The following BROX variants were observed in gnomAD, a reference collection of about 807,000 sequenced individuals.
BROX encodes the protein BRO1 domain and CAAX motif containing, also known as BRO1 domain-containing protein BROX.
In BROX, 53 loss-of-function variants were observed where a neutral mutation model predicts 61.0. That is an observed-to-expected ratio of 0.87 (90% CI 0.70 to 1.09). BROX has a LOEUF of 1.09. Ranked by LOEUF, BROX falls within the 50% of genes least tolerant of loss-of-function variation. BROX has a pLI of 0.00. For synonymous variants in BROX, 152 were observed against 160.2 expected (o/e 0.95, Z 0.38); for missense variants, 489 against 472.0 (o/e 1.04, Z -0.33).
At chr1:222,718,891 G>C (rs1355604575) in intron 2 of BROX, 34 bp from the exon 3 acceptor site, 1 of 1,564,316 alleles carries the variant, frequency 6.4e-7, no homozygotes, top group Non-Finnish European at 8.8e-7. Context: ...TTGCAGTACA[G>C]CTAACTTTAC....
At chr1:222,725,313 GT>G (rs1366699985) in intron 6 of BROX, 136 bp from the exon 7 acceptor site, 4 of 560,690 alleles carry the variant, frequency 7.1e-6, no homozygotes, top group Admixed American at 3.6e-5. Flanking sequence ...AGTTTTTATA[GT>G]TTTTGTTTAT....
chr1:222,713,182 A>G, intron 1 of BROX: 1 of 982,594 alleles, frequency 1.0e-6, no homozygotes, highest in Non-Finnish European at 1.2e-6. Flanking sequence ...TCCATTGGTC[A>G]TTGGAGAGCT....
chr1:222,716,793 G>C (rs1656655843), intron 2 of BROX, among the ~76,000 whole-genome samples: 1 of 152,234 alleles, frequency 6.6e-6, no homozygotes, highest in Non-Finnish European at 1.5e-5. Flanking sequence ...TGTCAGAGGG[G>C]AAAGGAGAAT....
At chr1:222,715,545 TA>T (rs932516549) in intron 1 of BROX, 138 bp from the exon 2 acceptor site, 7 of 382,722 alleles carry the variant, frequency 1.8e-5, no homozygotes, top group African/African-American at 1.1e-4. Flanking sequence ...CCGTCTCTAC[TA>T]AAAAAATAAC....
At position 222,719,438 on chromosome 1, in the gene BROX, A is replaced by G; in HGVS notation, c.305+79A>G. The G allele has an allele frequency of 6.0e-6, 6 of 1,000,796 alleles. No individual in the cohort carries two copies. The South Asian group carries it at 7.3e-5, about 12-fold the overall frequency. 62.0% of individuals were successfully genotyped at this position (1,000,796 alleles called of 1,614,324 possible). ...CCAGTGGTTAACTCATAGCCTTTGT[A>G]TTTGGAGAAGAAAAATACAGGTCTG... On this transcript the variant is annotated intron_variant, in intron 4 of 12. Coordinates refer to ENST00000340934, the MANE Select transcript of BROX (RefSeq NM_144695.4).
rs151293249 is a variant in BROX at position 222,723,422 on chromosome 1, T to C, written c.402-670T>C. 9.9e-3 allele frequency among the ~76,000 whole-genome samples: 1,512 copies of C among 152,306 alleles called. 28 individuals are homozygous for C. Among genetic ancestry groups the C allele is most frequent in the African/African-American group, 0.034 (1,423 of 41,570 alleles). ...TCCCAAAGTACTGGGATTACAGGCA[T>C]GATCCACCATGCCTGGCTGCAGATT... On this transcript the variant is annotated intron_variant, in intron 5 of 12. Coordinates refer to ENST00000340934, the MANE Select transcript of BROX (RefSeq NM_144695.4).
At chr1:222,719,478 T>G in intron 4 of BROX, 119 bp downstream of exon 4, 3 of 674,608 alleles carry the variant, frequency 4.4e-6, no homozygotes, top group Non-Finnish European at 7.8e-6. Flanking sequence ...GCGTTTTCTC[T>G]TACCAGGAAA....
At chr1:222,731,675 C>G (rs1558238769) in intron 12 of BROX, among the ~76,000 whole-genome samples, 159 bp downstream of exon 12, 1 of 152,160 alleles carries the variant, frequency 6.6e-6, no homozygotes, top group Non-Finnish European at 1.5e-5. Flanking sequence ...GTAGAACATT[C>G]TCAGAGATAA....
At chr1:222,722,847 A>T (rs925138726) in intron 5 of BROX, among the ~76,000 whole-genome samples, 4 of 152,324 alleles carry the variant, frequency 2.6e-5, no homozygotes, top group Middle Eastern at 3.4e-3. Context: ...TTCATATGAT[A>T]AATTGTTTGT....
chr1:222,717,707 A>G (rs980013288), intron 2 of BROX, among the ~76,000 whole-genome samples: 10 of 152,234 alleles, frequency 6.6e-5, no homozygotes, highest in African/African-American at 9.6e-5. Flanking sequence ...GTACTAATCA[A>G]TAAGACTCAA....
At chr1:222,728,932 T>A (rs1300633843) in intron 9 of BROX, 104 bp downstream of exon 9, 6 of 728,088 alleles carry the variant, frequency 8.2e-6, no homozygotes, top group Admixed American at 5.0e-5. Flanking sequence ...ATTTTACAAA[T>A]AATGGACAGC....
rs118060369 is a variant in BROX, at chr1:222,724,773, C to G, written c.474+609C>G. On this transcript the variant is annotated intron_variant, in intron 6 of 12. Coordinates refer to ENST00000340934, the MANE Select transcript of BROX (RefSeq NM_144695.4). The stretch of plus-strand genomic sequence containing the variant: ...TTATAGTGATTAGAAAGCTCTGATC[C>G]TGAATTAGATGTAGAATTGTAGTGG... Among the ~76,000 whole-genome samples the G allele has an allele frequency of 1.5e-3, 225 of 152,026 alleles. 6 individuals are homozygous for G. In the South Asian group the frequency reaches 0.021, roughly 14 times the overall value.
chr1:222,729,759 A>G, intron 10 of BROX, 58 bp downstream of exon 10: 2 of 1,499,100 alleles, frequency 1.3e-6, no homozygotes, highest in Admixed American at 3.5e-5. Flanking sequence ...CTTTATCATA[A>G]AAGGGAATAT....
Position 222,727,817 on chromosome 1 carries a change from A to C in BROX, c.670+560A>C, listed in dbSNP as rs182361628. Among the ~76,000 whole-genome samples the C allele has an allele frequency of 4.9e-3, 741 of 152,322 alleles. 2 individuals carry two copies. Among genetic ancestry groups the C allele is most frequent in the Middle Eastern group, 0.01 (3 of 294 alleles). ...CAGCGGCGAATTAGGAACCTTAACA[A>C]GCTGGGCATGCTAAAGAAGGACTCT... On this transcript the variant is annotated intron_variant, in intron 8 of 12. Transcript: ENST00000340934.
intron 2 of BROX, among the ~76,000 whole-genome samples, 160 bp downstream of exon 2, chr1:222,715,960 C>T (rs1265153698): frequency 6.6e-6 from 1 of 152,130 alleles, no homozygotes; most frequent in Admixed American, 6.5e-5. Context: ...GTCTTCTACG[C>T]CTGGATCCTT....
At position 222,725,445 on chromosome 1, in the gene BROX, C is replaced by T; in HGVS notation, c.475-5C>T. 1 of 1,577,346 alleles carries T rather than the reference C, an allele frequency of 6.3e-7. No homozygotes were observed. Among genetic ancestry groups the T allele is most frequent in the Non-Finnish European group, 8.6e-7 (1 of 1,164,090 alleles). On this transcript the variant is annotated splice_polypyrimidine_tract_variant and splice_region_variant and intron_variant, in intron 6 of 12. Transcript: ENST00000340934. ...GTTTTTTGTCTTTTTTGTTGTTGTT[C>T]TCAGGAAAGTCATCTCCCAAAACTC...
chr1:222,720,572 G>A (rs1466222498), intron 4 of BROX, among the ~76,000 whole-genome samples: 1 of 152,114 alleles, frequency 6.6e-6, no homozygotes, highest in Non-Finnish European at 1.5e-5. Flanking sequence ...AACACTTTGG[G>A]AGACCGAGGC....
intron 9 of BROX, 122 bp downstream of exon 9, chr1:222,728,950 C>A: frequency 1.6e-6 from 1 of 611,578 alleles, no homozygotes; most frequent in Non-Finnish European, 2.7e-6. Context: ...AGCTAACTCT[C>A]AGTAAATGTT....
chr1:222,722,761 A>G (rs1657192224), intron 5 of BROX, among the ~76,000 whole-genome samples: 1 of 152,244 alleles, frequency 6.6e-6, no homozygotes, highest in Non-Finnish European at 1.5e-5. Flanking sequence ...AAGTAAAAGC[A>G]TGACTATTTA....
Sources: allele counts gnomAD v4.1 joint callset (sites outside exome capture counted in the v4.1 genomes callset), GRCh38; gene constraint gnomAD v4.1.1; transcripts MANE v1.5; gene names NCBI Gene and HGNC (gene_info 2026-07-23, HGNC 2026-07-21).